The following SENP7 variants were observed in gnomAD, a reference collection of about 807,000 sequenced individuals.
SENP7 encodes SUMO specific peptidase 7.
Under a neutral mutation model 141.2 loss-of-function variants are expected in SENP7, and 64 were observed. That is an observed-to-expected ratio of 0.45 (90% CI 0.37 to 0.56). The LOEUF is 0.56. Among genes scored for constraint, SENP7 ranks in the 20% least tolerant of loss-of-function variants. SENP7 has a pLI of 0.00. For missense variants in SENP7, 1,025 were observed against 1,212.2 expected (o/e 0.85, Z 2.29); for synonymous variants, 382 against 426.4 (o/e 0.90, Z 1.28).
At chr3:101,463,003 C>T (rs888306792) in intron 3 of SENP7, among the ~76,000 whole-genome samples, 5 of 152,108 alleles carry the variant, frequency 3.3e-5, no homozygotes, top group African/African-American at 1.2e-4. Flanking sequence ...ATTTGCAATA[C>T]ACATACTGAC....
chr3:101,407,009 C>T (rs2061325806), intron 5 of SENP7, among the ~76,000 whole-genome samples: 1 of 152,092 alleles, frequency 6.6e-6, no homozygotes, highest in African/African-American at 2.4e-5. Context: ...CTTTTTCAGA[C>T]AAACAAATGG....
chr3:101,413,022 C>T (rs1243698660), intron 5 of SENP7, among the ~76,000 whole-genome samples: 1 of 151,908 alleles, frequency 6.6e-6, no homozygotes, highest in Non-Finnish European at 1.5e-5. Context: ...GCCAAACTGC[C>T]CTCACATAAA....
chr3:101,511,802 GT>G (rs950861172), intron 1 of SENP7, among the ~76,000 whole-genome samples: 1 of 151,672 alleles, frequency 6.6e-6, no homozygotes, highest in African/African-American at 2.4e-5. Flanking sequence ...TTTGGAATTG[GT>G]TTTTTTTGTT....
intron 6 of SENP7, among the ~76,000 whole-genome samples, chr3:101,378,884 A>G (rs1327441190): frequency 6.6e-6 from 1 of 152,174 alleles, no homozygotes; most frequent in Non-Finnish European, 1.5e-5. Context: ...AAGTAAGAAC[A>G]CTGTGGAGTG....
intron 7 of SENP7, among the ~76,000 whole-genome samples, chr3:101,371,064 C>T (rs1415005681): frequency 2.0e-5 from 3 of 152,110 alleles, no homozygotes; most frequent in Non-Finnish European, 2.9e-5. Flanking sequence ...CCGAGGCAGG[C>T]AGATCACTGG....
intron 5 of SENP7, among the ~76,000 whole-genome samples, chr3:101,401,852 C>T (rs2061152656): frequency 6.6e-6 from 1 of 152,006 alleles, no homozygotes. Context: ...AGTATGGTGG[C>T]ATGCACCTGT....
intron 3 of SENP7, among the ~76,000 whole-genome samples, chr3:101,489,486 A>C (rs1178117397): frequency 1.7e-5 from 2 of 118,272 alleles, no homozygotes; most frequent in Admixed American, 1.7e-4. Context: ...CAAACAGAAA[A>C]TAAAAAAGAG....
intron 13 of SENP7, among the ~76,000 whole-genome samples, chr3:101,345,575 T>C (rs2107223871): frequency 6.6e-6 from 1 of 152,324 alleles, no homozygotes; most frequent in South Asian, 2.1e-4. Context: ...TACTGATTTG[T>C]GTACATTAAT....
intron 3 of SENP7, among the ~76,000 whole-genome samples, chr3:101,465,782 T>G (rs1415876668): frequency 6.6e-6 from 1 of 151,974 alleles, no homozygotes; most frequent in African/African-American, 2.4e-5. Context: ...CAAAATAATT[T>G]TCCAATAAGA....
intron 2 of SENP7, among the ~76,000 whole-genome samples, chr3:101,495,132 T>C (rs754797866): frequency 8.5e-5 from 13 of 152,068 alleles, no homozygotes; most frequent in Non-Finnish European, 1.9e-4. Context: ...AAACAGTTCT[T>C]AAAGGAAGAC....
At chr3:101,406,905 A>G (rs1370247361) in intron 5 of SENP7, among the ~76,000 whole-genome samples, 2 of 152,190 alleles carry the variant, frequency 1.3e-5, no homozygotes, top group African/African-American at 2.4e-5. Flanking sequence ...AAGGGACTGG[A>G]GCCCTATCTT....
intron 4 of SENP7, among the ~76,000 whole-genome samples, chr3:101,439,757 CG>C (rs2062573861): frequency 7.7e-5 from 2 of 25,990 alleles, no homozygotes; most frequent in African/African-American, 2.4e-4. Context: ...CCAGCCGCCC[CG>C]TCCGGGAGGG....
At position 101,418,812 on chromosome 3, in the gene SENP7, A is replaced by C. The variant is rs563102958; in HGVS notation, c.285-1022T>G. 2.6e-5 allele frequency among the ~76,000 whole-genome samples: 4 copies of C among 152,158 alleles called. No individual in the cohort carries two copies. The South Asian group carries it at 8.3e-4, about 32-fold the overall frequency. On this transcript the variant is annotated intron_variant, in intron 4 of 23. Coordinates refer to ENST00000394095, the MANE Select transcript of SENP7 (RefSeq NM_020654.5). ...AAAACTCCAAACATGTTGCACACAC[A>C]CAAAAAAAAATTAAGCTATTAGTTT...
rs182919106 is a variant in SENP7, at chr3:101,344,150, C to T, written c.1838-196G>A. Among the ~76,000 whole-genome samples the T allele has an allele frequency of 8.1e-4, 124 of 152,258 alleles. 2 individuals carry two copies. The highest frequency in any genetic ancestry group is 4.0e-3 in the East Asian group (21 of 5,188). ...AGAACCAAAACTCACAATTGGTGGACTCCTGTTCTACTGCACTAAAATGTC... is the reference window on the plus strand; with the variant it reads ...AGAACCAAAACTCACAATTGGTGGATTCCTGTTCTACTGCACTAAAATGTC... On this transcript the variant is annotated intron_variant, in intron 13 of 23. Coordinates refer to ENST00000394095, the MANE Select transcript of SENP7 (RefSeq NM_020654.5).
intron 5 of SENP7, among the ~76,000 whole-genome samples, chr3:101,406,110 T>C (rs951116716): frequency 3.9e-5 from 6 of 152,202 alleles, no homozygotes; most frequent in Non-Finnish European, 7.3e-5. Context: ...TTATAAATCA[T>C]GCTACTATAA....
intron 1 of SENP7, among the ~76,000 whole-genome samples, chr3:101,503,529 C>T (rs1347689231): frequency 6.6e-6 from 1 of 152,198 alleles, no homozygotes; most frequent in East Asian, 1.9e-4. Context: ...TGAATTACTG[C>T]TACGCACAAT....
intron 4 of SENP7, among the ~76,000 whole-genome samples, chr3:101,442,684 A>C (rs751183636): frequency 5.9e-5 from 9 of 152,356 alleles, no homozygotes; most frequent in Non-Finnish European, 1.3e-4. Flanking sequence ...GTGAGAAATC[A>C]ACACAGAGAT....
At chr3:101,466,395 C>T (rs1249723959) in intron 3 of SENP7, among the ~76,000 whole-genome samples, 1 of 152,066 alleles carries the variant, frequency 6.6e-6, no homozygotes. Flanking sequence ...ATAAGAAAAT[C>T]CCCATAAGAT....
chr3:101,471,100 C>T (rs988316421), intron 3 of SENP7, among the ~76,000 whole-genome samples: 1 of 152,130 alleles, frequency 6.6e-6, no homozygotes, highest in Non-Finnish European at 1.5e-5. Flanking sequence ...AGATTCAATG[C>T]CATCCCCATC....
Sources: allele counts gnomAD v4.1 joint callset (sites outside exome capture counted in the v4.1 genomes callset), GRCh38; gene constraint gnomAD v4.1.1; transcripts MANE v1.5; gene names NCBI Gene and HGNC (gene_info 2026-07-23, HGNC 2026-07-21).